Variants in EML1 observed in about 807,000 individuals in gnomAD.
EML1 encodes the protein EMAP like 1, also known as echinoderm microtubule-associated protein-like 1.
EML1 carries 27 observed loss-of-function variants against 110.4 expected under a neutral mutation model. The observed-to-expected ratio is 0.24, with a 90% CI of 0.18 to 0.34. EML1 has a LOEUF of 0.34. Among genes scored for constraint, EML1 ranks in the 10% least tolerant of loss-of-function variants. The pLI, the probability that EML1 is intolerant of heterozygous loss-of-function variation, is 1.00. For missense variants in EML1, 741 were observed against 1,030.9 expected (o/e 0.72, Z 3.85); for synonymous variants, 344 against 385.8 (o/e 0.89, Z 1.27).
chr14:99,855,566 A>G (rs2058889131), intron 2 of EML1, among the ~76,000 whole-genome samples: 1 of 152,214 alleles, frequency 6.6e-6, no homozygotes, highest in African/African-American at 2.4e-5. Context: ...TCATTGTGCC[A>G]TGTATCTGGG....
At chr14:99,890,646 G>A (rs757497320) in intron 4 of EML1, among the ~76,000 whole-genome samples, 10 of 152,204 alleles carry the variant, frequency 6.6e-5, no homozygotes, top group Non-Finnish European at 1.5e-4. Context: ...ACTGAAGTCA[G>A]CAGGGGTGTC....
At chr14:99,760,824 C>G (rs2057307167) in intron 1 of EML1, among the ~76,000 whole-genome samples, 1 of 152,106 alleles carries the variant, frequency 6.6e-6, no homozygotes, top group African/African-American at 2.4e-5. Context: ...TTGCCCAATA[C>G]CTGCATTCAA....
chr14:99,843,215 C>T (rs1259580393), intron 1 of EML1, among the ~76,000 whole-genome samples: 1 of 152,142 alleles, frequency 6.6e-6, no homozygotes, highest in Non-Finnish European at 1.5e-5. Flanking sequence ...CGCACCACTG[C>T]ACTCCAGCCT....
Position 99,940,095 on chromosome 14 carries a change from C to A in EML1, c.2431C>A (p.Gln811Lys). The A allele has an allele frequency of 1.3e-6, 2 of 1,595,488 alleles. No individual in the cohort carries two copies. The highest frequency in any genetic ancestry group is 2.3e-5 in the South Asian group (2 of 87,942). ...GGGCGGGAAAGACACAAGCATCATG[C>A]AGTGGCGCGTCATTTAGTACCCACC... The part of the protein sequence containing the change: ...STGGKDTSIM[Q>K]WRVI Residue 811 changes from glutamine (Q) to lysine (K), a missense_variant, in exon 22 of 22, where the codon CAG (glutamine) becomes AAG (lysine). Physicochemically the swap from Gln to Lys is moderately conservative, Grantham distance 53. This residue lies in a region of EML1 where 114 missense variants were observed against 122.5 expected (regional missense o/e 0.93). Transcript: ENST00000262233.
At chr14:99,767,083 C>T (rs11160547) in intron 1 of EML1, among the ~76,000 whole-genome samples, 58,875 of 152,066 alleles carry the variant, frequency 0.39, 13,820 homozygotes, top group South Asian at 0.54. Context: ...GAAGAAGGCA[C>T]GGTGAGAAAC....
At chr14:99,909,651 A>G (rs1352087969) in intron 11 of EML1, among the ~76,000 whole-genome samples, 172 bp downstream of exon 11, 1 of 152,188 alleles carries the variant, frequency 6.6e-6, no homozygotes, top group Non-Finnish European at 1.5e-5. Flanking sequence ...AAAAGGACAG[A>G]GCAAGCCTGG....
At position 99,747,885 on chromosome 14, in the gene EML1, C is replaced by G. The variant is rs570997246; in HGVS notation, c.28+10025C>G. Among the ~76,000 whole-genome samples, 302 of 152,312 alleles carry G rather than the reference C, an allele frequency of 2.0e-3. 2 individuals are homozygous for G. Among genetic ancestry groups the G allele is most frequent in the African/African-American group, 7.0e-3 (289 of 41,580 alleles). On this transcript the variant is annotated intron_variant, in intron 1 of 10. Transcript: ENST00000554479. ...ACCTTAGACACTTGGAAAGCCACCC[C>G]CTCCTGGACTTTCTTCCTTTTCTTT... is the stretch of plus-strand genomic sequence containing the variant.
intron 1 of EML1, among the ~76,000 whole-genome samples, chr14:99,767,655 G>A (rs958793749): frequency 1.3e-5 from 2 of 152,022 alleles, no homozygotes; most frequent in African/African-American, 2.4e-5. Context: ...GGTTCTCTGT[G>A]GGATCCTTTG....
intron 1 of EML1, among the ~76,000 whole-genome samples, chr14:99,824,769 C>CG (rs1404871968): frequency 2.6e-5 from 4 of 152,012 alleles, no homozygotes; most frequent in African/African-American, 9.7e-5. Flanking sequence ...CAATCCTCCC[C>CG]CCTCCTACCC....
At chr14:99,875,976 A>T (rs2059284241) in intron 3 of EML1, among the ~76,000 whole-genome samples, 1 of 152,212 alleles carries the variant, frequency 6.6e-6, no homozygotes, top group African/African-American at 2.4e-5. Flanking sequence ...CAAAAAGACT[A>T]TGTGGAAAGT....
intron 16 of EML1, among the ~76,000 whole-genome samples, chr14:99,918,313 G>C (rs950530911): frequency 9.2e-5 from 14 of 152,046 alleles, no homozygotes; most frequent in African/African-American, 3.1e-4. Flanking sequence ...GCCCAGGCTG[G>C]TCTTGAGCTC....
chr14:99,752,320 A>G (rs1190866103), intron 1 of EML1, among the ~76,000 whole-genome samples: 1 of 152,188 alleles, frequency 6.6e-6, no homozygotes, highest in African/African-American at 2.4e-5. Context: ...CCACAGTCCT[A>G]CACACATAAA....
chr14:99,885,907 T>C (rs1447722444), intron 4 of EML1: 1 of 455,700 alleles, frequency 2.2e-6, no homozygotes, highest in African/African-American at 2.0e-5. Context: ...GTGAAGCCCC[T>C]CACCCAAGCC....
At chr14:99,741,608 C>T (rs2057042889) in intron 1 of EML1, among the ~76,000 whole-genome samples, 1 of 127,530 alleles carries the variant, frequency 7.8e-6, no homozygotes, top group South Asian at 3.1e-4. Flanking sequence ...ACCCAGACAG[C>T]ACCCCAGCTT....
chr14:99,756,875 G>A (rs770396368), intron 1 of EML1, among the ~76,000 whole-genome samples: 30 of 152,036 alleles, frequency 2.0e-4, no homozygotes, highest in Admixed American at 7.9e-4. Flanking sequence ...ACATCCGCAC[G>A]CGGCCCGCAC....
At chr14:99,765,209 G>C (rs895653806) in intron 1 of EML1, among the ~76,000 whole-genome samples, 1 of 152,110 alleles carries the variant, frequency 6.6e-6, no homozygotes, top group Non-Finnish European at 1.5e-5. Context: ...CCAAAGTGCT[G>C]GGATTACAGG....
intron 1 of EML1, among the ~76,000 whole-genome samples, chr14:99,830,396 A>G (rs2058429450): frequency 6.6e-6 from 1 of 152,170 alleles, no homozygotes; most frequent in Non-Finnish European, 1.5e-5. Context: ...AAAGGGTGCT[A>G]CTTGAAAGGT....
chr14:99,938,449 C>T (rs1394068601), intron 20 of EML1, among the ~76,000 whole-genome samples: 4 of 152,208 alleles, frequency 2.6e-5, no homozygotes, highest in South Asian at 2.1e-4. Context: ...TGCTGAGGTC[C>T]GGAGGTTCAC....
chr14:99,909,037 A>G (rs555455381), intron 10 of EML1, among the ~76,000 whole-genome samples: 75 of 152,242 alleles, frequency 4.9e-4, no homozygotes, highest in Non-Finnish European at 3.8e-4. Flanking sequence ...TCCTCAGCAA[A>G]GCATGCTGCA....
Sources: gnomAD v4.1 joint callset for allele counts (sites outside exome capture counted in the v4.1 genomes callset) on GRCh38, gnomAD v4.1.1 for gene constraint, gnomAD v4.1.1 regional missense constraint, MANE v1.5 for transcripts, NCBI Gene and HGNC (gene_info 2026-07-23, HGNC 2026-07-21) for gene names.